AMER3: variants seen among roughly 807,000 people sequenced by gnomAD.
AMER3 encodes APC membrane recruitment protein 3, also known as family with sequence similarity 123C.
For missense variants in AMER3, 1,201 were observed against 1,139.4 expected, an observed-to-expected ratio of 1.05 and a Z score of -0.78; for synonymous variants, 541 against 485.5, an observed-to-expected ratio of 1.11 and a Z score of -1.50.
Position 130,763,825 on chromosome 2 carries a change from C to G in AMER3, c.1753C>G (p.Leu585Val). Residue 585 changes from leucine (L) to valine (V), a missense_variant, in exon 2 of 2, where the codon CTC (leucine) becomes GTC (valine). Coordinates refer to ENST00000321420, the MANE Select transcript of AMER3 (RefSeq NM_152698.3). ...CCTGCTCGCCGGAGAGAGCAAGGCCCTCGGAGGGGCCACACAAGGGACTGG... is the reference window on the plus strand; with the variant it reads ...CCTGCTCGCCGGAGAGAGCAAGGCCGTCGGAGGGGCCACACAAGGGACTGG... ...TGLLAGESKA[L>V]GGATQGTGTL... The G allele has an allele frequency of 6.2e-7, 1 of 1,613,128 alleles. No homozygotes were observed. Among genetic ancestry groups the G allele is most frequent in the African/African-American group, 1.3e-5 (1 of 75,068 alleles).
In AMER3 at chr2:130,764,869, C is replaced by A; in HGVS notation, c.*211C>A. 1.6e-6 allele frequency: 1 copy of A among 624,858 alleles called. No homozygotes were observed. Among genetic ancestry groups the A allele is most frequent in the Non-Finnish European group, 2.8e-6 (1 of 361,086 alleles). 38.7% of individuals were successfully genotyped at this position (624,858 alleles called of 1,614,324 possible). The stretch of plus-strand genomic sequence containing the variant: ...AGGCAGCCCACCGCCAAAGACAGCG[C>A]GAAGCTGCAACCACCTAGCTGCTCC... On this transcript the variant is annotated 3_prime_UTR_variant, in exon 2 of 2. Transcript: ENST00000321420.
At chr2:130,761,645 G>A (rs1678783066) in intron 1 of AMER3, among the ~76,000 whole-genome samples, 1 of 152,202 alleles carries the variant, frequency 6.6e-6, no homozygotes, top group Admixed American at 6.5e-5. Flanking sequence ...CCCTTTAGCT[G>A]CCTGATGAAG....
Position 130,764,493 on chromosome 2 carries a change from C to T in AMER3, c.2421C>T (p.Gly807=), listed in dbSNP as rs1228636576. The change falls in exon 2 of 2, where the codon GGC becomes GGT. Residue 807 remains glycine, a synonymous_variant. Coordinates refer to ENST00000321420, the MANE Select transcript of AMER3 (RefSeq NM_152698.3). ...CTGCTGCCCGGTGGAGTTCCCAGGG[C>T]CACCATCCAGAAAGCCTGGGCCTCA... ...SAPAARWSSQ[G]HHPESLGLTL... is the part of the protein sequence containing the mutation. The T allele has an allele frequency of 1.3e-6, 2 of 1,599,882 alleles. No individual in the cohort carries two copies. Among genetic ancestry groups the T allele is most frequent in the Non-Finnish European group, 1.7e-6 (2 of 1,173,922 alleles).
In AMER3 at chr2:130,764,459, G is replaced by A. The variant is rs145412369; in HGVS notation, c.2387G>A (p.Arg796His). The change falls in exon 2 of 2, where the codon CGC becomes CAC. Residue 796 changes from arginine (R) to histidine (H), a missense_variant. Arg to His is a conservative substitution (Grantham distance 29, BLOSUM62 0). Coordinates refer to ENST00000321420, the MANE Select transcript of AMER3 (RefSeq NM_152698.3). Reference sequence around the variant, plus strand: ...GGCAGCCAGCTGGACTCTGAGCCCCGCTCAGCCCCTGCTGCCCGGTGGAGT... The same window carrying A: ...GGCAGCCAGCTGGACTCTGAGCCCCACTCAGCCCCTGCTGCCCGGTGGAGT... Reference protein sequence around the residue: ...AHGSQLDSEPRSAPAARWSSQ... With the variant: ...AHGSQLDSEPHSAPAARWSSQ... 253 of 1,600,066 alleles carry A rather than the reference G, an allele frequency of 1.6e-4. 3 individuals are homozygous for A. The African/African-American group carries it at 2.6e-3, about 16-fold the overall frequency.
At chr2:130,760,451 G>A (rs1380713555) in intron 1 of AMER3, among the ~76,000 whole-genome samples, 1 of 152,210 alleles carries the variant, frequency 6.6e-6, no homozygotes. Context: ...AGCTTACTTG[G>A]GGTGGGGTGT....
chr2:130,764,673 C>T lies in AMER3; in HGVS notation c.*15C>T. On this transcript the variant is annotated 3_prime_UTR_variant, in exon 2 of 2. Coordinates refer to ENST00000321420, the MANE Select transcript of AMER3 (RefSeq NM_152698.3). ...CCCATCTGTAGGACAGGCTCACATG[C>T]ACCAGGAACTGCATGTGTCTTCATG... 1.3e-6 allele frequency: 2 copies of T among 1,581,058 alleles called. No homozygotes were observed. Among genetic ancestry groups the T allele is most frequent in the Non-Finnish European group, 1.7e-6 (2 of 1,166,976 alleles).
At position 130,762,355 on chromosome 2, in the gene AMER3, C is replaced by CA. The variant is rs1558966360; in HGVS notation, c.284dup (p.His95GlnfsTer78). 2 of 1,612,142 alleles carry CA rather than the reference C, an allele frequency of 1.2e-6. No homozygotes were observed. Among genetic ancestry groups the CA allele is most frequent in the African/African-American group, 1.3e-5 (1 of 75,058 alleles). ...CAAACCGGTGCGAAAGTGCAAGACT[C>CA]ACGACAGCATGTCTGGGGCAGGCAG... On this transcript the variant is annotated frameshift_variant, in exon 2 of 2. Transcript: ENST00000321420. LOFTEE classifies it low-confidence loss of function (END_TRUNC).
Position 130,763,370 on chromosome 2 carries a change from C to T in AMER3, c.1298C>T (p.Pro433Leu), listed in dbSNP as rs1284318417. Residue 433 changes from proline (P) to leucine (L), a missense_variant, in exon 2 of 2, where the codon CCT (proline) becomes CTT (leucine). By Grantham distance (98) the Pro-to-Leu change is moderately conservative. Transcript: ENST00000321420. Reference protein sequence around the residue: ...YELFHDPSEGPLGPSPDDDLC... With the variant: ...YELFHDPSEGLLGPSPDDDLC... ...CTCTTCCACGACCCCAGCGAGGGTC[C>T]TCTTGGCCCCAGCCCAGATGATGAC... The T allele has an allele frequency of 6.2e-7, 1 of 1,613,280 alleles. No individual in the cohort carries two copies. Among genetic ancestry groups the T allele is most frequent in the South Asian group, 1.1e-5 (1 of 91,090 alleles).
rs773425035 is a variant in AMER3 at position 130,762,649 on chromosome 2, C to G, written c.577C>G (p.Pro193Ala). 6.2e-7 allele frequency: 1 copy of G among 1,611,614 alleles called. No homozygotes were observed. The highest frequency in any genetic ancestry group is 8.5e-7 in the Non-Finnish European group (1 of 1,179,810). Residue 193 changes from proline to alanine, a missense_variant, in exon 2 of 2, where the codon CCT becomes GCT. Transcript: ENST00000321420. Reference protein sequence around the residue: ...SLPSPGDPSDPGGRRSKAFLP... With the variant: ...SLPSPGDPSDAGGRRSKAFLP... ...GCCCTCCCCAGGGGACCCGTCAGAC[C>G]CTGGGGGGCGGCGAAGCAAAGCCTT...
At position 130,763,741 on chromosome 2, in the gene AMER3, G is replaced by T. The variant is rs377413500; in HGVS notation, c.1669G>T (p.Ala557Ser). ...REGLASDAGG[A>S]TVCSAPSRQE... ...GGGCCTGGCCTCAGATGCAGGGGGG[G>T]CGACAGTTTGCTCAGCACCCAGCAG... Residue 557 changes from alanine to serine, a missense_variant, in exon 2 of 2, where the codon GCG becomes TCG. Ala to Ser is a moderately conservative substitution (Grantham distance 99). Coordinates refer to ENST00000321420, the MANE Select transcript of AMER3 (RefSeq NM_152698.3). 4.4e-6 allele frequency: 7 copies of T among 1,585,238 alleles called. No homozygotes were observed. Among genetic ancestry groups the T allele is most frequent in the African/African-American group, 4.1e-5 (3 of 74,012 alleles).
At chr2:130,759,215 G>A (rs1353644886) in intron 1 of AMER3, among the ~76,000 whole-genome samples, 1 of 152,170 alleles carries the variant, frequency 6.6e-6, no homozygotes, top group Non-Finnish European at 1.5e-5. Flanking sequence ...CTCAGGAGAT[G>A]GGCTTGGCAT....
rs147540500 is a variant in AMER3 at position 130,762,696 on chromosome 2, G to A, written c.624G>A (p.Pro208=). 388 of 1,611,320 alleles carry A rather than the reference G, an allele frequency of 2.4e-4. No homozygotes were observed. The highest frequency in any genetic ancestry group is 3.0e-4 in the Non-Finnish European group (357 of 1,179,756). The change falls in exon 2 of 2, where the codon CCG becomes CCA. Residue 208 remains proline, a synonymous_variant. Coordinates refer to ENST00000321420, the MANE Select transcript of AMER3 (RefSeq NM_152698.3). ...CCTTCCTCCCCCCGGGTGAGGGGCCGGGGCTGGACGGCCTGTGCCAGGACC... is the reference window on the plus strand; with the variant it reads ...CCTTCCTCCCCCCGGGTGAGGGGCCAGGGCTGGACGGCCTGTGCCAGGACC... ...SKAFLPPGEG[P]GLDGLCQDLL... is the part of the protein sequence containing the mutation.
At chr2:130,756,667 G>C (rs956416339) in intron 1 of AMER3, among the ~76,000 whole-genome samples, 1 of 152,118 alleles carries the variant, frequency 6.6e-6, no homozygotes, top group African/African-American at 2.4e-5. Flanking sequence ...CTTGCCCCTG[G>C]GCAGGCCAGG....
intron 1 of AMER3, among the ~76,000 whole-genome samples, chr2:130,757,903 T>G (rs1416139877): frequency 6.6e-6 from 1 of 151,960 alleles, no homozygotes; most frequent in Non-Finnish European, 1.5e-5. Flanking sequence ...GAGGCCTAGG[T>G]GGGAGGATCA....
At position 130,763,354 on chromosome 2, in the gene AMER3, G is replaced by A. The variant is rs764045425; in HGVS notation, c.1282G>A (p.Asp428Asn). The A allele has an allele frequency of 2.9e-5, 46 of 1,613,134 alleles. No individual in the cohort carries two copies. The highest frequency in any genetic ancestry group is 4.5e-5 in the East Asian group (2 of 44,880). The change falls in exon 2 of 2, where the codon GAC becomes AAC. Residue 428 changes from aspartate to asparagine, a missense_variant. Transcript: ENST00000321420. ...SGDALYELFH[D>N]PSEGPLGPSP... ...GGACGCCCTCTACGAGCTCTTCCAC[G>A]ACCCCAGCGAGGGTCCTCTTGGCCC...
At position 130,762,048 on chromosome 2, in the gene AMER3, C is replaced by T. The variant is rs369947044; in HGVS notation, c.-19-6C>T. 57 of 1,602,458 alleles carry T rather than the reference C, an allele frequency of 3.6e-5. No homozygotes were observed. The highest frequency in any genetic ancestry group is 4.6e-5 in the Non-Finnish European group (54 of 1,175,032). On this transcript the variant is annotated splice_region_variant and splice_polypyrimidine_tract_variant and intron_variant, in intron 1 of 1. Transcript: ENST00000321420. ...GATACTGAGTGCCTCCTGCTTTCCT[C>T]CACAGCAGCTGGGGCACTGGCAGCA...
In AMER3 at chr2:130,768,118, A is replaced by C. The variant is rs1307964413; in HGVS notation, c.*3460A>C. 1.2e-5 allele frequency: 2 copies of C among 167,164 alleles called. No individual in the cohort carries two copies. The highest frequency in any genetic ancestry group is 4.8e-5 in the African/African-American group (2 of 41,468). The allele number at this position is 167,164 out of a possible 1,614,324, so 10.4% of individuals were successfully genotyped here. ...CGCTCTGTAAATCCTTGTTGAAAGA[A>C]TGAAGTGTCAAAAGGTTGTGCGTGC... On this transcript the variant is annotated 3_prime_UTR_variant, in exon 2 of 2. Coordinates refer to ENST00000321420, the MANE Select transcript of AMER3 (RefSeq NM_152698.3).
At position 130,762,318 on chromosome 2, in the gene AMER3, T is replaced by A; in HGVS notation, c.246T>A (p.Cys82Ter). 2.5e-6 allele frequency: 4 copies of A among 1,608,346 alleles called. No individual in the cohort carries two copies. Among genetic ancestry groups the A allele is most frequent in the Non-Finnish European group, 3.4e-6 (4 of 1,177,912 alleles). ...LDPKGGPAAL[C>*]GATFKPVRKC... is the part of the protein sequence containing the mutation. ...CCAAAGGGGGACCCGCAGCCCTCTGTGGAGCCACCTTCAAACCGGTGCGAA... is the reference window on the plus strand; with the variant it reads ...CCAAAGGGGGACCCGCAGCCCTCTGAGGAGCCACCTTCAAACCGGTGCGAA... Residue 82 changes from cysteine (C) to a stop codon, truncating the protein, a stop_gained, in exon 2 of 2, where the codon TGT becomes TGA. Transcript: ENST00000321420. LOFTEE classifies it low-confidence loss of function (END_TRUNC).
chr2:130,756,151 C>A (rs910927079), intron 1 of AMER3: 2 of 147,988 alleles, frequency 1.4e-5, no homozygotes, highest in Admixed American at 1.3e-4. Context: ...GCCACCCCTG[C>A]GCGCCAGCGC....
Sources: allele counts gnomAD v4.1 joint callset (sites outside exome capture counted in the v4.1 genomes callset), GRCh38; gene constraint gnomAD v4.1.1; transcripts MANE v1.5; gene names NCBI Gene and HGNC (gene_info 2026-07-23, HGNC 2026-07-21).